TMTC2: variants seen among roughly 807,000 people sequenced by gnomAD.
TMTC2 encodes transmembrane O-mannosyltransferase targeting cadherins 2.
In TMTC2, 43 loss-of-function variants were observed where a neutral mutation model predicts 82.4. The observed-to-expected ratio is 0.52, with a 90% confidence interval of 0.41 to 0.67. The LOEUF is 0.67. Among genes scored for constraint, TMTC2 ranks in the 30% least tolerant of loss-of-function variants. The probability of loss-of-function intolerance (pLI) is 0.00; values close to 1 mark genes in which losing one functional copy is unlikely to be tolerated. For missense variants in TMTC2, 919 were observed against 1,012.4 expected, an observed-to-expected ratio of 0.91 and a Z score of 1.25; for synonymous variants, 408 against 381.9, an observed-to-expected ratio of 1.07 and a Z score of -0.80.
At chr12:82,867,840 G>A (rs1871947190) in intron 2 of TMTC2, among the ~76,000 whole-genome samples, 1 of 152,060 alleles carries the variant, frequency 6.6e-6, no homozygotes, top group East Asian at 1.9e-4. Flanking sequence ...TGTAATAAAA[G>A]CTAAATATAT....
chr12:82,891,859 T>A (rs1873414929), intron 2 of TMTC2, among the ~76,000 whole-genome samples: 1 of 151,922 alleles, frequency 6.6e-6, no homozygotes, highest in Admixed American at 6.5e-5. Flanking sequence ...ACCTGTTGGT[T>A]TAGTTTCCCT....
chr12:82,704,550 G>A (rs1478742276), intron 1 of TMTC2, among the ~76,000 whole-genome samples: 1 of 152,066 alleles, frequency 6.6e-6, no homozygotes, highest in African/African-American at 2.4e-5. Flanking sequence ...GGTAGAAACA[G>A]GCATAAGTAA....
chr12:83,012,722 G>C (rs1213746650), intron 8 of TMTC2, among the ~76,000 whole-genome samples: 1 of 152,108 alleles, frequency 6.6e-6, no homozygotes, highest in East Asian at 1.9e-4. Flanking sequence ...TCTCAGCAAA[G>C]TGTGTAATAT....
chr12:83,067,446 G>C (rs535484264), intron 11 of TMTC2, among the ~76,000 whole-genome samples: 81 of 151,980 alleles, frequency 5.3e-4, no homozygotes, highest in Non-Finnish European at 1.1e-3. Flanking sequence ...CAAGGTGAGT[G>C]GGGGGTGCAA....
chr12:82,942,017 A>G (rs1876748170), intron 4 of TMTC2, among the ~76,000 whole-genome samples: 1 of 152,210 alleles, frequency 6.6e-6, no homozygotes, highest in South Asian at 2.1e-4. Flanking sequence ...CTGGGATTAC[A>G]GGCATGAGCC....
intron 1 of TMTC2, among the ~76,000 whole-genome samples, chr12:82,730,610 A>G (rs1311455835): frequency 6.6e-6 from 1 of 152,218 alleles, no homozygotes; most frequent in African/African-American, 2.4e-5. Context: ...ACTGTTTTGT[A>G]CAGTTGTGTA....
At chr12:83,122,142 C>T (rs747942072) in intron 11 of TMTC2, among the ~76,000 whole-genome samples, 28 of 151,886 alleles carry the variant, frequency 1.8e-4, no homozygotes, top group Middle Eastern at 3.2e-3. Context: ...GGGCTGAGAA[C>T]TTACCCCATG....
rs540126461 is a variant in TMTC2, at chr12:82,771,513, T to G, written c.83+83844T>G. 3.6e-4 allele frequency among the ~76,000 whole-genome samples: 55 copies of G among 152,294 alleles called. No homozygotes were observed. The South Asian group carries it at 0.011, about 30-fold the overall frequency. On this transcript the variant is annotated intron_variant, in intron 1 of 11. Coordinates refer to ENST00000321196, the MANE Select transcript of TMTC2 (RefSeq NM_152588.3). ...ATGGGCCCCAGTTTTTTGTGTGTGT[T>G]TTTTTAACTGCTTAGTCACTGAAAG...
At chr12:82,908,555 T>A (rs1874444063) in intron 3 of TMTC2, among the ~76,000 whole-genome samples, 3 of 152,174 alleles carry the variant, frequency 2.0e-5, no homozygotes, top group Admixed American at 2.0e-4. Context: ...TAATGTATTA[T>A]CATTCCCATT....
chr12:82,945,677 GA>G lies in TMTC2; in HGVS notation c.1598+15134del, dbSNP rs377157636. 1.2e-4 allele frequency among the ~76,000 whole-genome samples: 19 copies of G among 152,272 alleles called. No homozygotes were observed. The East Asian group carries it at 3.5e-3, about 28-fold the overall frequency. On this transcript the variant is annotated intron_variant, in intron 4 of 11. Transcript: ENST00000321196. ...AAAAGTTTCTTATTTCTCTGCTCCTGAAGAAAAATGAACAGATGTAAATTTA... is the reference window on the plus strand; with the variant it reads ...AAAAGTTTCTTATTTCTCTGCTCCTGAGAAAAATGAACAGATGTAAATTTA...
intron 10 of TMTC2, among the ~76,000 whole-genome samples, chr12:83,052,194 A>G (rs1030308611): frequency 1.4e-4 from 21 of 152,150 alleles, no homozygotes; most frequent in Admixed American, 4.6e-4. Context: ...GGTGACATCC[A>G]ATTTTTAAAA....
intron 9 of TMTC2, among the ~76,000 whole-genome samples, chr12:83,033,105 A>C (rs986030737): frequency 1.6e-4 from 25 of 152,090 alleles, no homozygotes; most frequent in Non-Finnish European, 1.3e-4. Context: ...CCTACTTTGG[A>C]GTTGGTAATA....
At chr12:83,060,826 C>A in intron 10 of TMTC2, among the ~76,000 whole-genome samples, 1 of 151,658 alleles carries the variant, frequency 6.6e-6, no homozygotes, top group East Asian at 1.9e-4. Context: ...GTTGGGTGAA[C>A]CTAGGTCTTT....
At chr12:83,113,818 A>G (rs1433036266) in intron 11 of TMTC2, among the ~76,000 whole-genome samples, 1 of 152,234 alleles carries the variant, frequency 6.6e-6, no homozygotes. Flanking sequence ...TGGAAAGATT[A>G]TAGTTTCTGG....
intron 8 of TMTC2, chr12:83,021,837 T>G (rs763271791): frequency 6.6e-6 from 1 of 152,192 alleles, no homozygotes; most frequent in Non-Finnish European, 1.5e-5. Flanking sequence ...GATCATATTG[T>G]GCCTCTATTT....
intron 1 of TMTC2, among the ~76,000 whole-genome samples, chr12:82,719,804 C>T (rs1874116607): frequency 6.6e-6 from 1 of 151,396 alleles, no homozygotes; most frequent in African/African-American, 2.4e-5. Flanking sequence ...TATGCATTCT[C>T]GTAGATTCTT....
chr12:82,861,014 C>T (rs969519071), intron 2 of TMTC2, among the ~76,000 whole-genome samples: 1 of 152,166 alleles, frequency 6.6e-6, no homozygotes, highest in Non-Finnish European at 1.5e-5. Context: ...ATCCATTCAA[C>T]CTTAAAAAAT....
At chr12:82,923,605 C>G (rs892441409) in intron 3 of TMTC2, among the ~76,000 whole-genome samples, 1 of 151,938 alleles carries the variant, frequency 6.6e-6, no homozygotes, top group Non-Finnish European at 1.5e-5. Context: ...GTTAGCTTTA[C>G]TTTTTCACAT....
Position 82,959,673 on chromosome 12 carries a change from T to C in TMTC2, c.1599-5351T>C, listed in dbSNP as rs140195729. On this transcript the variant is annotated intron_variant, in intron 4 of 11. Transcript: ENST00000321196. ...TTTTCACCATATATAAAAAATTAACTCAAGATGGATTAAAGATTTAAGTGT... is the reference window on the plus strand; with the variant it reads ...TTTTCACCATATATAAAAAATTAACCCAAGATGGATTAAAGATTTAAGTGT... Among the ~76,000 whole-genome samples, 233 of 152,170 alleles carry C rather than the reference T, an allele frequency of 1.5e-3. 2 individuals carry two copies. The highest frequency in any genetic ancestry group is 5.4e-3 in the African/African-American group (224 of 41,528).
Sources: gnomAD v4.1 joint callset for allele counts (sites outside exome capture counted in the v4.1 genomes callset) on GRCh38, gnomAD v4.1.1 for gene constraint, MANE v1.5 for transcripts, NCBI Gene and HGNC (gene_info 2026-07-23, HGNC 2026-07-21) for gene names.